The following MAST1 variants were observed in gnomAD, a reference collection of about 807,000 sequenced individuals.
MAST1 encodes the protein microtubule-associated serine/threonine-protein kinase 1.
In MAST1, 40 loss-of-function variants were observed where a neutral mutation model predicts 124.6. The observed-to-expected ratio is 0.32, with a 90% CI of 0.25 to 0.42. MAST1 has a LOEUF of 0.42. Ranked by LOEUF, MAST1 falls within the 10% of genes least tolerant of loss-of-function variation. The pLI is 1.00. For missense variants in MAST1, 1,558 were observed against 2,181.9 expected (o/e 0.71, Z 5.70); for synonymous variants, 938 against 939.4 (o/e 1.00, Z 0.03).
chr19:12,840,462 CG>C lies in MAST1; in HGVS notation c.102del (p.Ser36AlafsTer4). ...RRTKSCRTSN[R>X]KSLILTSTSP... ...TCCCCGCAGCTGCCGCACCAGTAAT[CG>C]GAAAAGCCTCATCCTGACCAGCACT... On this transcript the variant is annotated frameshift_variant, in exon 2 of 26. Transcript: ENST00000251472. LOFTEE classifies it high-confidence loss of function. 1 of 1,613,598 alleles carries C rather than the reference CG, an allele frequency of 6.2e-7. No homozygotes were observed. Among genetic ancestry groups the C allele is most frequent in the Non-Finnish European group, 8.5e-7 (1 of 1,179,666 alleles).
chr19:12,865,690 G>C lies in MAST1; in HGVS notation c.1805-27G>C, dbSNP rs535743555. The C allele has an allele frequency of 6.3e-7, 1 of 1,576,156 alleles. No individual in the cohort carries two copies. The highest frequency in any genetic ancestry group is 8.7e-7 in the Non-Finnish European group (1 of 1,153,972). On this transcript the variant is annotated intron_variant, in intron 15 of 25. Coordinates refer to ENST00000251472, the MANE Select transcript of MAST1 (RefSeq NM_014975.3). This position sits in a 1 kb window ranked among gnomAD's most constrained non-coding sequence, Gnocchi z 7.1. ...CCAAACAACAACAACAACAAAAACCGCCCCTAAGTTCCGTTTTGTTTTGCA... is the reference window on the plus strand; with the variant it reads ...CCAAACAACAACAACAACAAAAACCCCCCCTAAGTTCCGTTTTGTTTTGCA...
rs1249854097 is a variant in MAST1 at position 12,874,837 on chromosome 19, A to G, written c.4680A>G (p.Lys1560=). The G allele has an allele frequency of 1.9e-6, 3 of 1,598,252 alleles. No individual in the cohort carries two copies. Among genetic ancestry groups the G allele is most frequent in the African/African-American group, 2.7e-5 (2 of 74,456 alleles). ...EAVPPAGLTK[K]GVSSPAPPGP is the part of the protein sequence containing the mutation. ...TGCCCCCAGCAGGCCTGACCAAAAA[A>G]GGAGTGTCCAGTCCCGCACCCCCGG... Residue 1560 remains lysine, a synonymous_variant, in exon 26 of 26, where the codon AAA becomes AAG. Coordinates refer to ENST00000251472, the MANE Select transcript of MAST1 (RefSeq NM_014975.3). The surrounding 1 kb of genome is among the most constrained non-coding windows in gnomAD (Gnocchi z 6.6).
In MAST1 at chr19:12,840,454, C is replaced by T; in HGVS notation, c.92C>T (p.Thr31Ile). The T allele has an allele frequency of 6.2e-7, 1 of 1,612,868 alleles. No individual in the cohort carries two copies. The highest frequency in any genetic ancestry group is 8.5e-7 in the Non-Finnish European group (1 of 1,179,084). ...CCTTACCTTCCCCGCAGCTGCCGCA[C>T]CAGTAATCGGAAAAGCCTCATCCTG... ...SMFRRTKSCR[T>I]SNRKSLILTS... The change falls in exon 2 of 26, where the codon ACC (threonine) becomes ATC (isoleucine). Residue 31 changes from threonine to isoleucine, a missense_variant. By Grantham distance (89) the Thr-to-Ile change is moderately conservative. Coordinates refer to ENST00000251472, the MANE Select transcript of MAST1 (RefSeq NM_014975.3).
intron 21 of MAST1, 105 bp downstream of exon 21, chr19:12,868,954 G>C: frequency 6.5e-7 from 1 of 1,538,658 alleles, no homozygotes; most frequent in Non-Finnish European, 8.9e-7. Flanking sequence ...TTGGCTCCAG[G>C]CTGGACCAAT....
At position 12,873,945 on chromosome 19, in the gene MAST1, G is replaced by A. The variant is rs1327181276; in HGVS notation, c.3788G>A (p.Arg1263His). The change falls in exon 26 of 26, where the codon CGC becomes CAC. Residue 1263 changes from arginine (R) to histidine (H), a missense_variant. Around this residue, in one of 10 missense-constraint regions of MAST1, gnomAD observed 263 missense variants for 310.9 expected, o/e 0.85. Coordinates refer to ENST00000251472, the MANE Select transcript of MAST1 (RefSeq NM_014975.3). ...AEPPRSPLLKRVQSAEKLGAS... is the reference protein window; with the variant it reads ...AEPPRSPLLKHVQSAEKLGAS... ...CCCCCTCGCTCGCCGCTCCTCAAGCGCGTGCAGTCGGCCGAGAAGCTGGGA... is the reference window on the plus strand; with the variant it reads ...CCCCCTCGCTCGCCGCTCCTCAAGCACGTGCAGTCGGCCGAGAAGCTGGGA... 6.3e-7 allele frequency: 1 copy of A among 1,594,800 alleles called. No homozygotes were observed. The highest frequency in any genetic ancestry group is 1.1e-5 in the South Asian group (1 of 90,052).
chr19:12,866,638 A>C lies in MAST1; in HGVS notation c.2030-15A>C. On this transcript the variant is annotated splice_polypyrimidine_tract_variant and intron_variant, in intron 17 of 25. Coordinates refer to ENST00000251472, the MANE Select transcript of MAST1 (RefSeq NM_014975.3). The surrounding 1 kb of genome is among the most constrained non-coding windows in gnomAD (Gnocchi z 5.2). ...AACCCCGTACCCTCAGTCACAGCCC[A>C]TACCCGCTCCCCAGCCCGCTCAGAC... 1 of 1,589,908 alleles carries C rather than the reference A, an allele frequency of 6.3e-7. No homozygotes were observed. The highest frequency in any genetic ancestry group is 8.6e-7 in the Non-Finnish European group (1 of 1,159,786).
chr19:12,867,921 C>A lies in MAST1; in HGVS notation c.2510C>A (p.Ala837Asp). Reference sequence around the variant, plus strand: ...CCCGCGGGATCCCTGGATGCACGGGCCCCCAAAGAGGAGACTCAAGGGGAA... The same window carrying A: ...CCCGCGGGATCCCTGGATGCACGGGACCCCAAAGAGGAGACTCAAGGGGAA... ...SDPAGSLDAR[A>D]PKEETQGEGT... The change falls in exon 20 of 26, where the codon GCC (alanine) becomes GAC (aspartate). Residue 837 changes from alanine (A) to aspartate (D), a missense_variant. Ala to Asp is a moderately radical substitution (Grantham distance 126). This residue lies in a region of MAST1 where 287 missense variants were observed against 308.0 expected (regional missense o/e 0.93). Coordinates refer to ENST00000251472, the MANE Select transcript of MAST1 (RefSeq NM_014975.3). The A allele has an allele frequency of 6.3e-7, 1 of 1,598,252 alleles. No homozygotes were observed. The highest frequency in any genetic ancestry group is 1.8e-5 in the Admixed American group (1 of 55,616).
Position 12,838,707 on chromosome 19 carries a change from C to G in MAST1, c.83+52C>G, listed in dbSNP as rs1210798009. 18 of 1,551,054 alleles carry G rather than the reference C, an allele frequency of 1.2e-5. No individual in the cohort carries two copies. Among genetic ancestry groups the G allele is most frequent in the Non-Finnish European group, 1.6e-5 (18 of 1,131,380 alleles). On this transcript the variant is annotated intron_variant, in intron 1 of 25. Transcript: ENST00000251472. The surrounding 1 kb of genome is among the most constrained non-coding windows in gnomAD (Gnocchi z 4.3). ...TCCCGGCCCTCCCCGCAAAAGCCGC[C>G]GCTCCGGGTACTGCTGCAGGGCGGG...
chr19:12,863,158 C>CAAAAAAAAAAAAAAA, intron 12 of MAST1, among the ~76,000 whole-genome samples: 1 of 44,120 alleles, frequency 2.3e-5, no homozygotes, highest in Non-Finnish European at 4.4e-5. Context: ...GACTCTGACT[C>CAAAAAAAAAAAAAAA]AAAAAAAAAA....
intron 10 of MAST1, among the ~76,000 whole-genome samples, chr19:12,857,972 A>C (rs535487686): frequency 1.5e-5 from 2 of 133,532 alleles, no homozygotes; most frequent in South Asian, 5.0e-4. Flanking sequence ...GCACCACTAC[A>C]CTCCAGTCTG....
Position 12,871,174 on chromosome 19 carries a change from T to TG in MAST1, c.3263+5dup. ...CTCCGCCAAGGAGGGCCAGGAGAGGTGGGCACAGCCGTAAACAGCCTGGTC... is the reference window on the plus strand; with the variant it reads ...CTCCGCCAAGGAGGGCCAGGAGAGGTGGGGCACAGCCGTAAACAGCCTGGTC... On this transcript the variant is annotated splice_region_variant and intron_variant, in intron 24 of 25. Transcript: ENST00000251472. The TG allele has an allele frequency of 1.2e-6, 2 of 1,613,528 alleles. No homozygotes were observed. Among genetic ancestry groups the TG allele is most frequent in the Non-Finnish European group, 1.7e-6 (2 of 1,179,892 alleles).
chr19:12,871,291 C>A, intron 24 of MAST1, 119 bp downstream of exon 24: 1 of 1,430,080 alleles, frequency 7.0e-7, no homozygotes, highest in Non-Finnish European at 9.5e-7. Flanking sequence ...AAATGACCAA[C>A]AAGCAAAGGG....
In MAST1 at chr19:12,871,125, A is replaced by G; in HGVS notation, c.3216A>G (p.Lys1072=). 1.2e-6 allele frequency: 2 copies of G among 1,614,228 alleles called. No individual in the cohort carries two copies. The highest frequency in any genetic ancestry group is 1.7e-6 in the Non-Finnish European group (2 of 1,180,048). Reference sequence around the variant, plus strand: ...CAAGGCGCAGCAGCTACAAGGCTAAAATGGCTCGGAGGAACAAGCGACCCT... The same window carrying G: ...CAAGGCGCAGCAGCTACAAGGCTAAGATGGCTCGGAGGAACAAGCGACCCT... ...GPARRSSYKA[K]MARRNKRPSA... is the part of the protein sequence containing the mutation. The change falls in exon 24 of 26, where the codon AAA becomes AAG. Residue 1072 remains lysine, a synonymous_variant. Transcript: ENST00000251472.
chr19:12,873,577 TACTC>T, intron 25 of MAST1, 28 bp from the exon 26 acceptor site: 4 of 1,579,514 alleles, frequency 2.5e-6, no homozygotes, highest in African/African-American at 2.7e-5. Flanking sequence ...GCTTGGGCTG[TACTC>T]ACTCGCTTCA....
Position 12,869,049 on chromosome 19 carries a change from T to C in MAST1, c.2774-17T>C, listed in dbSNP as rs143464043. On this transcript the variant is annotated splice_polypyrimidine_tract_variant and intron_variant, in intron 21 of 25. Coordinates refer to ENST00000251472, the MANE Select transcript of MAST1 (RefSeq NM_014975.3). ...TCTTCTTGGTTCTGATTTCTGACCA[T>C]GGTTGTGTGTCTGTAGTGGACCCAC... 9.3e-6 allele frequency: 15 copies of C among 1,611,170 alleles called. No individual in the cohort carries two copies. In the Admixed American group the frequency reaches 2.0e-4, roughly 21 times the overall value.
At chr19:12,860,090 A>G (rs908967985) in intron 12 of MAST1, among the ~76,000 whole-genome samples, 2 of 151,412 alleles carry the variant, frequency 1.3e-5, no homozygotes, top group Non-Finnish European at 2.9e-5. Flanking sequence ...ATCCATCCGT[A>G]TGTCTGTTTA....
chr19:12,857,231 G>T (rs1246891826), intron 10 of MAST1, among the ~76,000 whole-genome samples: 2 of 151,078 alleles, frequency 1.3e-5, no homozygotes, highest in Non-Finnish European at 3.0e-5. Flanking sequence ...TTACAGGCAT[G>T]TGCCATCATG....
In MAST1 at chr19:12,871,132, C is replaced by T. The variant is rs753659505; in HGVS notation, c.3223C>T (p.Arg1075Trp). The stretch of plus-strand genomic sequence containing the variant: ...CAGCAGCTACAAGGCTAAAATGGCT[C>T]GGAGGAACAAGCGACCCTCCGCCAA... ...RRSSYKAKMARRNKRPSAKEG... is the reference protein window; with the variant it reads ...RRSSYKAKMAWRNKRPSAKEG... The change falls in exon 24 of 26, where the codon CGG (arginine) becomes TGG (tryptophan). Residue 1075 changes from arginine to tryptophan, a missense_variant. Physicochemically the swap from Arg to Trp is moderately radical, Grantham distance 101. Transcript: ENST00000251472. 5 of 1,614,004 alleles carry T rather than the reference C, an allele frequency of 3.1e-6. No homozygotes were observed. The highest frequency in any genetic ancestry group is 1.3e-5 in the African/African-American group (1 of 74,912).
At chr19:12,856,090 A>C (rs73505306) in intron 10 of MAST1, among the ~76,000 whole-genome samples, 7,873 of 152,108 alleles carry the variant, frequency 0.052, 704 homozygotes, top group African/African-American at 0.18. Context: ...TTTATGTCAG[A>C]TATTTTTAGG....
Sources: allele counts gnomAD v4.1 joint callset (sites outside exome capture counted in the v4.1 genomes callset), GRCh38; gene constraint gnomAD v4.1.1; regional missense constraint gnomAD v4.1.1; non-coding constraint Gnocchi (gnomAD v3.1); transcripts MANE v1.5; gene names NCBI Gene and HGNC (gene_info 2026-07-23, HGNC 2026-07-21).